The following NFXL1 variants were observed in gnomAD, a reference collection of about 807,000 sequenced individuals.
The protein encoded by NFXL1 is NF-X1-type zinc finger protein NFXL1.
A neutral mutation model predicts 123.3 loss-of-function variants in NFXL1; 66 were observed. The observed-to-expected ratio is 0.54, with a 90% confidence interval of 0.44 to 0.66. The LOEUF (loss-of-function observed/expected upper bound fraction) is 0.66. Ranked by LOEUF, NFXL1 falls within the 30% of genes least tolerant of loss-of-function variation. NFXL1 has a pLI of 0.00. For missense variants in NFXL1, 944 were observed against 1,125.6 expected (o/e 0.84, Z 2.31); for synonymous variants, 346 against 360.8 (o/e 0.96, Z 0.46).
At chr4:47,886,064 T>C in intron 12 of NFXL1, 65 bp from the exon 13 acceptor site, 5 of 1,446,258 alleles carry the variant, frequency 3.5e-6, no homozygotes, top group South Asian at 1.2e-5. Flanking sequence ...AATGGTAAAA[T>C]ACATAAATTT....
At chr4:47,906,833 C>A (rs919921461) in intron 3 of NFXL1, among the ~76,000 whole-genome samples, 2 of 152,150 alleles carry the variant, frequency 1.3e-5, no homozygotes, top group Non-Finnish European at 2.9e-5. Flanking sequence ...TACTGCCCAG[C>A]ACATCACAGC....
chr4:47,890,579 C>A, intron 12 of NFXL1, 34 bp downstream of exon 12: 1 of 1,194,794 alleles, frequency 8.4e-7, no homozygotes, highest in Non-Finnish European at 1.2e-6. Context: ...TACATCACTA[C>A]AAACATAAAA....
chr4:47,880,493 T>C (rs1047154462), intron 15 of NFXL1, among the ~76,000 whole-genome samples: 86 of 134,572 alleles, frequency 6.4e-4, no homozygotes, highest in African/African-American at 1.9e-3. Flanking sequence ...ACTTGGAAAA[T>C]GCACAGCTGG....
chr4:47,850,791 C>A (rs1400637344), intron 22 of NFXL1, among the ~76,000 whole-genome samples: 1 of 151,996 alleles, frequency 6.6e-6, no homozygotes, highest in African/African-American at 2.4e-5. Flanking sequence ...GATTCGCTCA[C>A]TCTCACTCCC....
At chr4:47,875,669 C>T (rs1197022803) in intron 17 of NFXL1, among the ~76,000 whole-genome samples, 7 of 151,966 alleles carry the variant, frequency 4.6e-5, no homozygotes, top group Non-Finnish European at 5.9e-5. Context: ...CATTTCTATA[C>T]GATAATCAAC....
intron 4 of NFXL1, among the ~76,000 whole-genome samples, chr4:47,904,907 C>CCAAT (rs1560604725): frequency 6.6e-6 from 1 of 151,220 alleles, no homozygotes; most frequent in Non-Finnish European, 1.5e-5. Context: ...TATCTTTTTC[C>CCAAT]AAAAGTAATA....
At chr4:47,884,924 C>T (rs1192061871) in intron 14 of NFXL1, among the ~76,000 whole-genome samples, 3 of 151,850 alleles carry the variant, frequency 2.0e-5, no homozygotes, top group African/African-American at 4.8e-5. Context: ...GTCAGGAGTT[C>T]GAGACCAGCC....
At position 47,861,357 on chromosome 4, in the gene NFXL1, C is replaced by T. The variant is rs192455632; in HGVS notation, c.2316+1489G>A. Among the ~76,000 whole-genome samples the T allele has an allele frequency of 7.9e-5, 12 of 152,278 alleles. No homozygotes were observed. In the East Asian group the frequency reaches 1.9e-3, roughly 24 times the overall value. The stretch of plus-strand genomic sequence containing the variant: ...TTGAATTGTTCCCAGGCTACAGATA[C>T]ATTTTTCAAGAAAGCCCAAGGAGAT... On this transcript the variant is annotated intron_variant, in intron 19 of 22. Transcript: ENST00000507489.
At chr4:47,906,482 T>C (rs1417761956) in intron 3 of NFXL1, among the ~76,000 whole-genome samples, 1 of 152,080 alleles carries the variant, frequency 6.6e-6, no homozygotes, top group Non-Finnish European at 1.5e-5. Context: ...ATAAATATGA[T>C]TTAGAACATT....
intron 20 of NFXL1, chr4:47,852,195 TGGACTTA>T: frequency 2.6e-6 from 1 of 389,508 alleles, no homozygotes; most frequent in Non-Finnish European, 4.6e-6. Context: ...GTGCCACTAT[TGGACTTA>T]GCTCCCATGT....
At chr4:47,859,867 A>AC (rs1734647010) in intron 19 of NFXL1, among the ~76,000 whole-genome samples, 2 of 43,436 alleles carry the variant, frequency 4.6e-5, no homozygotes, top group African/African-American at 8.5e-5. Context: ...AAAAAAAAAA[A>AC]AAACAAACAA....
At position 47,847,814 on chromosome 4, in the gene NFXL1, G is replaced by C. The variant is rs114349450; in HGVS notation, c.*349C>G. 5.3e-3 allele frequency: 863 copies of C among 162,638 alleles called. 5 individuals carry two copies. Among genetic ancestry groups the C allele is most frequent in the African/African-American group, 0.019 (804 of 41,984 alleles). 10.1% of individuals were successfully genotyped at this position (162,638 alleles called of 1,614,324 possible). A position where few individuals can be genotyped will look rare whatever the true frequency, so the allele number is the denominator to read the frequency against. On this transcript the variant is annotated 3_prime_UTR_variant, in exon 23 of 23. Transcript: ENST00000507489. ...AAATATTTCTCTTACTGCAGATATG[G>C]CTCAGTCTCATCTGAATTATTTTTT...
intron 18 of NFXL1, among the ~76,000 whole-genome samples, chr4:47,869,514 T>C (rs1735302475): frequency 6.6e-6 from 1 of 152,164 alleles, no homozygotes; most frequent in Admixed American, 6.5e-5. Context: ...TTAAAAATCT[T>C]GACTATAGGA....
chr4:47,885,663 T>G lies in NFXL1; in HGVS notation c.1665-6A>C. On this transcript the variant is annotated splice_region_variant and splice_polypyrimidine_tract_variant and intron_variant, in intron 13 of 22. Transcript: ENST00000507489. ...GATGACAAGTTGGTGGTCGACTAAA[T>G]CATAAAGTACAATTTTCAAAAATTA... 2.5e-6 allele frequency: 4 copies of G among 1,610,304 alleles called. No individual in the cohort carries two copies. The highest frequency in any genetic ancestry group is 3.4e-6 in the Non-Finnish European group (4 of 1,177,350).
intron 19 of NFXL1, 58 bp from the exon 20 acceptor site, chr4:47,855,221 T>G: frequency 1.0e-6 from 1 of 962,582 alleles, no homozygotes; most frequent in Non-Finnish European, 1.6e-6. Flanking sequence ...TACTCTAGTT[T>G]CCCCCATACC....
At chr4:47,860,153 A>G (rs1175425380) in intron 19 of NFXL1, among the ~76,000 whole-genome samples, 1 of 152,240 alleles carries the variant, frequency 6.6e-6, no homozygotes, top group African/African-American at 2.4e-5. Context: ...AAAAAAATGC[A>G]TATATTAACT....
At chr4:47,863,538 C>T (rs1734883330) in intron 18 of NFXL1, among the ~76,000 whole-genome samples, 1 of 151,922 alleles carries the variant, frequency 6.6e-6, no homozygotes, top group South Asian at 2.1e-4. Context: ...AAAAATTAGC[C>T]AGGTGTGATG....
intron 12 of NFXL1, among the ~76,000 whole-genome samples, chr4:47,888,276 GAACAA>G (rs1402152710): frequency 6.6e-6 from 1 of 151,970 alleles, no homozygotes; most frequent in Non-Finnish European, 1.5e-5. Context: ...CCGTCTCAAA[GAACAA>G]AACAAAACTA....
intron 15 of NFXL1, chr4:47,882,150 A>G (rs999449275): frequency 6.6e-6 from 1 of 152,206 alleles, no homozygotes; most frequent in Non-Finnish European, 1.5e-5. Context: ...GGAACTCTCT[A>G]TACTTTCTGT....
Sources: gnomAD v4.1 joint callset for allele counts (sites outside exome capture counted in the v4.1 genomes callset) on GRCh38, gnomAD v4.1.1 for gene constraint, MANE v1.5 for transcripts, NCBI Gene and HGNC (gene_info 2026-07-23, HGNC 2026-07-21) for gene names.